The following SLC7A10 variants were observed in gnomAD, a reference collection of about 807,000 sequenced individuals.
SLC7A10 encodes asc-type amino acid transporter 1.
A neutral mutation model predicts 52.7 loss-of-function variants in SLC7A10; 30 were observed. The observed-to-expected ratio is 0.57, with a 90% CI of 0.43 to 0.77. SLC7A10 has a LOEUF of 0.77. SLC7A10 is among the 30% of genes least tolerant of loss of function. SLC7A10 has a pLI of 0.00. For missense variants in SLC7A10, 581 were observed against 698.5 expected (o/e 0.83, Z 1.90); for synonymous variants, 318 against 314.9 (o/e 1.01, Z -0.10).
At chr19:33,222,121 G>A (rs1010594779) in intron 1 of SLC7A10, among the ~76,000 whole-genome samples, 7 of 152,174 alleles carry the variant, frequency 4.6e-5, no homozygotes, top group Admixed American at 2.6e-4. Context: ...CACTGGGACC[G>A]GGCATGATGG....
At chr19:33,225,502 C>T (rs1432830552) in intron 1 of SLC7A10, 51 bp downstream of exon 1, 2 of 1,584,158 alleles carry the variant, frequency 1.3e-6, no homozygotes, top group Admixed American at 1.7e-5. Context: ...GGAGCGGCTG[C>T]GCCCCTCATT....
At chr19:33,209,670 G>A (rs144328710) in intron 9 of SLC7A10, among the ~76,000 whole-genome samples, 185 bp from the exon 10 acceptor site, 43 of 152,280 alleles carry the variant, frequency 2.8e-4, no homozygotes, top group Middle Eastern at 3.4e-3. Context: ...GGGTCAGGCC[G>A]TTGGCCAGTT....
Position 33,209,392 on chromosome 19 carries a change from C to T in SLC7A10, c.1357G>A (p.Val453Ile), listed in dbSNP as rs200161031. 285 of 1,613,950 alleles carry T rather than the reference C, an allele frequency of 1.8e-4. 1 individual carries two copies. Among genetic ancestry groups the T allele is most frequent in the South Asian group, 2.2e-4 (20 of 91,084 alleles). Residue 453 changes from valine to isoleucine, a missense_variant, in exon 10 of 11, where the codon GTC becomes ATC. Coordinates refer to ENST00000253188, the MANE Select transcript of SLC7A10 (RefSeq NM_019849.3). Reference protein sequence around the residue: ...ISEPMVCGVGVIIILTGVPIF... With the variant: ...ISEPMVCGVGIIIILTGVPIF... ...GGCACCCCCGTAAGGATGATGATGA[C>T]GCCGACCCCACAGACCATAGGCTCT... is the stretch of plus-strand genomic sequence containing the variant.
At chr19:33,214,243 C>G (rs1306899266) in intron 2 of SLC7A10, among the ~76,000 whole-genome samples, 2 of 152,162 alleles carry the variant, frequency 1.3e-5, no homozygotes. Context: ...CGTGCAAGCC[C>G]TGGCACGTCT....
chr19:33,224,331 C>T (rs1974877377), intron 1 of SLC7A10, among the ~76,000 whole-genome samples: 3 of 152,090 alleles, frequency 2.0e-5, no homozygotes, highest in Non-Finnish European at 1.5e-5. Flanking sequence ...CATCCTAGGC[C>T]AAGAAGCTCC....
At chr19:33,219,179 G>A (rs1196477434) in intron 1 of SLC7A10, among the ~76,000 whole-genome samples, 1 of 152,124 alleles carries the variant, frequency 6.6e-6, no homozygotes, top group Non-Finnish European at 1.5e-5. Flanking sequence ...GCAGGTAGGC[G>A]AGGAAGTGAC....
At chr19:33,225,334 C>G (rs1262847027) in intron 1 of SLC7A10, among the ~76,000 whole-genome samples, 1 of 152,226 alleles carries the variant, frequency 6.6e-6, no homozygotes, top group Middle Eastern at 3.2e-3. Context: ...ACCCAAAACT[C>G]CCCCAGGTGC....
chr19:33,217,687 G>T (rs920989019), intron 1 of SLC7A10: 15 of 152,182 alleles, frequency 9.9e-5, no homozygotes, highest in Non-Finnish European at 4.4e-5. Context: ...TGCCGGGCCC[G>T]CAGGGGGCTG....
chr19:33,218,418 G>T (rs1449974113), intron 1 of SLC7A10, among the ~76,000 whole-genome samples: 2 of 152,098 alleles, frequency 1.3e-5, no homozygotes, highest in African/African-American at 2.4e-5. Flanking sequence ...GTCCTCAGGG[G>T]TTTCTCCCTC....
At chr19:33,211,876 A>G in intron 5 of SLC7A10, 1 of 476,262 alleles carries the variant, frequency 2.1e-6, no homozygotes, top group Admixed American at 3.3e-5. Flanking sequence ...CCACAGACCC[A>G]GAGTCTTCCT....
rs201078134 is a variant in SLC7A10 at position 33,225,599 on chromosome 19, C to A, written c.105G>T (p.Ala35=). The A allele has an allele frequency of 1.3e-6, 2 of 1,595,586 alleles. No homozygotes were observed. Among genetic ancestry groups the A allele is most frequent in the South Asian group, 1.1e-5 (1 of 90,814 alleles). Residue 35 remains alanine (A), a synonymous_variant, in exon 1 of 11, where the codon GCG becomes GCT. Coordinates refer to ENST00000253188, the MANE Select transcript of SLC7A10 (RefSeq NM_019849.3). ...TCAGCAGCCCGATCTCCTTCTTGAG[C>A]GCCACCCGCTCCGAGGCGCCGGGGA... is the stretch of plus-strand genomic sequence containing the variant. ...GTVPGASERV[A]LKKEIGLLSA...
intron 1 of SLC7A10, among the ~76,000 whole-genome samples, chr19:33,216,671 T>C (rs1974692379): frequency 6.6e-6 from 1 of 152,118 alleles, no homozygotes; most frequent in Non-Finnish European, 1.5e-5. Context: ...GCTTCCTGGA[T>C]TCAAGCAATT....
rs920939119 is a variant in SLC7A10, at chr19:33,212,295, C to T, written c.785G>A (p.Arg262Gln). ...NYVTEEMVDARKNLPRAIFIS... is the reference protein window; with the variant it reads ...NYVTEEMVDAQKNLPRAIFIS... ...CCCAGTTGGGGGCCCCACTCACTTTCGGGCGTCAACCATCTCCTCGGTGAC... is the reference window on the plus strand; with the variant it reads ...CCCAGTTGGGGGCCCCACTCACTTTTGGGCGTCAACCATCTCCTCGGTGAC... Residue 262 changes from arginine to glutamine, a missense_variant, in exon 5 of 11, where the codon CGA becomes CAA. Physicochemically the swap from Arg to Gln is conservative, Grantham distance 43. Transcript: ENST00000253188. 14 of 1,603,900 alleles carry T rather than the reference C, an allele frequency of 8.7e-6. No individual in the cohort carries two copies. The East Asian group carries it at 9.0e-5, about 10-fold the overall frequency.
chr19:33,212,284 C>T lies in SLC7A10; in HGVS notation c.788+8G>A. 3.8e-6 allele frequency: 6 copies of T among 1,597,424 alleles called. No individual in the cohort carries two copies. The highest frequency in any genetic ancestry group is 5.1e-6 in the Non-Finnish European group (6 of 1,172,734). On this transcript the variant is annotated splice_region_variant and intron_variant, in intron 5 of 10. Transcript: ENST00000253188. The stretch of plus-strand genomic sequence containing the variant: ...GCTTCCCAGGGCCCAGTTGGGGGCC[C>T]CACTCACTTTCGGGCGTCAACCATC...
At position 33,210,338 on chromosome 19, in the gene SLC7A10, AGCCCTGAGCAGG is replaced by A; in HGVS notation, c.1263+117_1263+128del. On this transcript the variant is annotated intron_variant, in intron 9 of 10. Coordinates refer to ENST00000253188, the MANE Select transcript of SLC7A10 (RefSeq NM_019849.3). The surrounding 1 kb of genome is among the most constrained non-coding windows in gnomAD (Gnocchi z 5.6). ...GGAATGGCTGCCTCAGTGCACAGAG[AGCCCTGAGCAGG>A]GCCCAACACTCCACAAAAGCTGGCA... is the stretch of plus-strand genomic sequence containing the variant. 8.9e-7 allele frequency: 1 copy of A among 1,125,482 alleles called. No individual in the cohort carries two copies. Among genetic ancestry groups the A allele is most frequent in the African/African-American group, 1.5e-5 (1 of 64,904 alleles). The allele number at this position is 1,125,482 out of a possible 1,614,324, so 69.7% of individuals were successfully genotyped here.
chr19:33,220,185 G>C (rs1269288300), intron 1 of SLC7A10: 1 of 152,306 alleles, frequency 6.6e-6, no homozygotes, highest in African/African-American at 2.4e-5. Context: ...GGGACATCCA[G>C]GATGTGCCTG....
chr19:33,215,634 CCCACA>C, intron 2 of SLC7A10, 130 bp downstream of exon 2: 4 of 897,000 alleles, frequency 4.5e-6, no homozygotes, highest in South Asian at 1.7e-5. Context: ...CCATCCACCC[CCCACA>C]CCTTCTCTCC....
At chr19:33,215,618 TTCTCTCCATCCACCCC>T in intron 2 of SLC7A10, 135 bp downstream of exon 2, 1 of 212,664 alleles carries the variant, frequency 4.7e-6, no homozygotes, top group Non-Finnish European at 7.1e-6. Flanking sequence ...CCCCCACACC[TTCTCTCCATCCACCCC>T]CCACACCTTC....
intron 5 of SLC7A10, 106 bp from the exon 6 acceptor site, chr19:33,211,643 G>T: frequency 1.3e-6 from 2 of 1,591,392 alleles, no homozygotes; most frequent in Non-Finnish European, 1.7e-6. Context: ...GTGTCTGCTG[G>T]GGATGTTGGG....
Sources: gnomAD v4.1 joint callset for allele counts (sites outside exome capture counted in the v4.1 genomes callset) on GRCh38, gnomAD v4.1.1 for gene constraint, Gnocchi (gnomAD v3.1) non-coding constraint, MANE v1.5 for transcripts, NCBI Gene and HGNC (gene_info 2026-07-23, HGNC 2026-07-21) for gene names.